Variants in DIP2C observed in about 807,000 individuals in gnomAD.
DIP2C encodes DIP2 acetate--CoA ligase C (putative).
A neutral mutation model predicts 192.4 loss-of-function variants in DIP2C; 33 were observed. The observed-to-expected ratio is 0.17, with a 90% CI of 0.13 to 0.23. The LOEUF is 0.23. Ranked by LOEUF, DIP2C falls within the 10% of genes least tolerant of loss-of-function variation. The pLI, the probability that DIP2C is intolerant of heterozygous loss-of-function variation, is 1.00. For synonymous variants in DIP2C, 979 were observed against 864.1 expected (o/e 1.13, Z -2.33); for missense variants, 1,537 against 2,110.1 (o/e 0.73, Z 5.32).
rs528960409 is a variant in DIP2C at position 293,189 on chromosome 10, T to A, written c.3987-4768A>T. ...ACACCACTACTCAGCACTGGCCTGA[T>A]GGTCACTCATGACCTGAAGGGTCCA... is the stretch of plus-strand genomic sequence containing the variant. On this transcript the variant is annotated intron_variant, in intron 32 of 36. Transcript: ENST00000280886. Among the ~76,000 whole-genome samples the A allele has an allele frequency of 7.2e-5, 11 of 152,352 alleles. No homozygotes were observed. The South Asian group carries it at 2.3e-3, about 32-fold the overall frequency.
intron 1 of DIP2C, chr10:664,661 T>A (rs549956245): frequency 6.6e-6 from 1 of 152,346 alleles, no homozygotes; most frequent in African/African-American, 2.4e-5. Context: ...TTTTTTAAAA[T>A]TTATGTATCT....
chr10:319,214 ACTT>A (rs1956902248), intron 31 of DIP2C, among the ~76,000 whole-genome samples: 1 of 152,098 alleles, frequency 6.6e-6, no homozygotes, highest in Admixed American at 6.5e-5. Context: ...CGCCTGGCTC[ACTT>A]CTTTCAACAA....
chr10:531,304 A>AT (rs1297725212), intron 1 of DIP2C, among the ~76,000 whole-genome samples: 2 of 152,008 alleles, frequency 1.3e-5, no homozygotes, highest in African/African-American at 4.8e-5. Context: ...CACGAACCTG[A>AT]TGAACACACA....
In DIP2C at chr10:519,835, C is replaced by T. The variant is rs550447346; in HGVS notation, c.86-33305G>A. The stretch of plus-strand genomic sequence containing the variant: ...GTGGAGACAGATCCCAGGCCTCCCC[C>T]CTGCTCCTCTACTTGTTGCCATTGA... On this transcript the variant is annotated intron_variant, in intron 1 of 36. Transcript: ENST00000280886. 3.9e-5 allele frequency among the ~76,000 whole-genome samples: 6 copies of T among 152,230 alleles called. No homozygotes were observed. In the East Asian group the frequency reaches 5.8e-4, roughly 15 times the overall value.
intron 6 of DIP2C, among the ~76,000 whole-genome samples, chr10:416,908 C>G (rs1457075096): frequency 1.3e-5 from 2 of 152,166 alleles, no homozygotes; most frequent in African/African-American, 4.8e-5. Context: ...TTGTTCGCCC[C>G]CGCACTGGAC....
At chr10:525,551 AAAG>A (rs1252839792) in intron 1 of DIP2C, among the ~76,000 whole-genome samples, 4 of 152,240 alleles carry the variant, frequency 2.6e-5, no homozygotes, top group African/African-American at 9.6e-5. Context: ...TGATTGGAAC[AAAG>A]AAGATTCTGA....
chr10:544,010 G>A (rs1377148416), intron 1 of DIP2C, among the ~76,000 whole-genome samples: 1 of 152,230 alleles, frequency 6.6e-6, no homozygotes, highest in Non-Finnish European at 1.5e-5. Flanking sequence ...CATAGTGCGT[G>A]ACCTTTGACG....
At chr10:285,991 G>T (rs1021628929) in intron 34 of DIP2C, among the ~76,000 whole-genome samples, 1 of 152,192 alleles carries the variant, frequency 6.6e-6, no homozygotes, top group Non-Finnish European at 1.5e-5. Flanking sequence ...AAGAAATAAA[G>T]AAACTCAGTC....
chr10:292,166 G>A (rs778103245), intron 32 of DIP2C, among the ~76,000 whole-genome samples: 5 of 152,216 alleles, frequency 3.3e-5, no homozygotes, highest in Non-Finnish European at 4.4e-5. Flanking sequence ...CTCCAGATCC[G>A]GAACTTTGTG....
chr10:431,488 T>C (rs533210715), intron 4 of DIP2C, among the ~76,000 whole-genome samples: 2 of 152,236 alleles, frequency 1.3e-5, no homozygotes, highest in East Asian at 1.9e-4. Flanking sequence ...GGTTTTGCCA[T>C]GTTGGCCAGG....
chr10:616,808 A>C (rs773008535), intron 1 of DIP2C, among the ~76,000 whole-genome samples: 2 of 152,220 alleles, frequency 1.3e-5, no homozygotes, highest in African/African-American at 2.4e-5. Flanking sequence ...CACAATTCTG[A>C]TGAAAATATT....
At chr10:355,037 A>G (rs911935651) in intron 24 of DIP2C, among the ~76,000 whole-genome samples, 5 of 152,126 alleles carry the variant, frequency 3.3e-5, no homozygotes, top group Admixed American at 3.3e-4. Flanking sequence ...GAGAAAGATG[A>G]AAAGTGGAAG....
chr10:283,200 G>A lies in DIP2C; in HGVS notation c.4294+72C>T, dbSNP rs115894082. 166 of 1,542,932 alleles carry A rather than the reference G, an allele frequency of 1.1e-4. No individual in the cohort carries two copies. In the African/African-American group the frequency reaches 1.9e-3, roughly 18 times the overall value. Reference sequence around the variant, plus strand: ...TTTGGCTGCTGTAAACCTTGGGAAAGGCTTCTGTATCTACAGGAGCCTAAC... The same window carrying A: ...TTTGGCTGCTGTAAACCTTGGGAAAAGCTTCTGTATCTACAGGAGCCTAAC... On this transcript the variant is annotated intron_variant, in intron 35 of 36. Coordinates refer to ENST00000280886, the MANE Select transcript of DIP2C (RefSeq NM_014974.3).
chr10:643,062 G>C (rs922767816), intron 1 of DIP2C, among the ~76,000 whole-genome samples: 2 of 151,892 alleles, frequency 1.3e-5, no homozygotes, highest in Non-Finnish European at 2.9e-5. Flanking sequence ...AAATCAGCCA[G>C]GCATGGTGGC....
chr10:352,443 C>T (rs1370101751), intron 24 of DIP2C, among the ~76,000 whole-genome samples: 3 of 152,232 alleles, frequency 2.0e-5, no homozygotes, highest in Non-Finnish European at 4.4e-5. Flanking sequence ...CTTCCAGGCA[C>T]GCTCCACGAG....
intron 2 of DIP2C, chr10:485,035 T>C (rs545395973): frequency 1.4e-4 from 200 of 1,456,806 alleles, no homozygotes; most frequent in Non-Finnish European, 1.8e-4. Context: ...GCCGACCCCA[T>C]GCAGGACAGC....
Position 670,462 on chromosome 10 carries a change from G to A in DIP2C, c.85+19032C>T, listed in dbSNP as rs560450971. Reference sequence around the variant, plus strand: ...GCAAACAAGAATAATCACAAAACAGGGTAGGGTGTCAACAAGTGAGAATTG... The same window carrying A: ...GCAAACAAGAATAATCACAAAACAGAGTAGGGTGTCAACAAGTGAGAATTG... On this transcript the variant is annotated intron_variant, in intron 1 of 36. Coordinates refer to ENST00000280886, the MANE Select transcript of DIP2C (RefSeq NM_014974.3). Among the ~76,000 whole-genome samples the A allele has an allele frequency of 3.1e-4, 47 of 152,256 alleles. No homozygotes were observed. In the South Asian group the frequency reaches 9.1e-3, roughly 30 times the overall value.
chr10:598,813 A>C (rs1464117223), intron 1 of DIP2C, among the ~76,000 whole-genome samples: 1 of 152,242 alleles, frequency 6.6e-6, no homozygotes, highest in East Asian at 1.9e-4. Context: ...CCCAGCCCGG[A>C]GTGGGTCATG....
intron 4 of DIP2C, among the ~76,000 whole-genome samples, chr10:425,555 G>A (rs112856382): frequency 0.013 from 1,695 of 134,522 alleles, 61 homozygotes; most frequent in African/African-American, 0.042. Context: ...AATATGACAC[G>A]GATGATACAG....
Sources: allele counts gnomAD v4.1 joint callset (sites outside exome capture counted in the v4.1 genomes callset), GRCh38; gene constraint gnomAD v4.1.1; transcripts MANE v1.5; gene names NCBI Gene and HGNC (gene_info 2026-07-23, HGNC 2026-07-21).